Variants in CAMSAP2 observed in about 807,000 individuals in gnomAD.
CAMSAP2 encodes calmodulin-regulated spectrin-associated protein 2.
In CAMSAP2, 26 loss-of-function variants were observed where a neutral mutation model predicts 146.1. The observed-to-expected ratio is 0.18, with a 90% CI of 0.13 to 0.25. CAMSAP2 has a LOEUF of 0.25. CAMSAP2 is among the 10% of genes least tolerant of loss of function. The probability of loss-of-function intolerance (pLI) is 1.00; values close to 1 mark genes in which losing one functional copy is unlikely to be tolerated. For missense variants in CAMSAP2, 1,381 were observed against 1,759.3 expected, an observed-to-expected ratio of 0.78 and a Z score of 3.85; for synonymous variants, 499 against 596.6, an observed-to-expected ratio of 0.84 and a Z score of 2.38.
At chr1:200,781,053 T>C (rs1665414981) in intron 2 of CAMSAP2, among the ~76,000 whole-genome samples, 1 of 152,238 alleles carries the variant, frequency 6.6e-6, no homozygotes, top group Admixed American at 6.5e-5. Context: ...AAACTTTTTT[T>C]CAGGGAATTT....
chr1:200,740,617 T>C (rs185569094), intron 1 of CAMSAP2, among the ~76,000 whole-genome samples: 84 of 152,338 alleles, frequency 5.5e-4, no homozygotes, highest in African/African-American at 1.9e-3. Context: ...TTTTTCCAAA[T>C]GTATTTTGGC....
chr1:200,811,927 C>T (rs888085120), intron 3 of CAMSAP2, among the ~76,000 whole-genome samples: 5 of 152,140 alleles, frequency 3.3e-5, no homozygotes, highest in Non-Finnish European at 7.3e-5. Context: ...ACCGTTGAAC[C>T]TCATGTTTCC....
intron 2 of CAMSAP2, among the ~76,000 whole-genome samples, chr1:200,799,772 C>T (rs1310258759): frequency 1.3e-5 from 2 of 152,036 alleles, no homozygotes; most frequent in African/African-American, 2.4e-5. Flanking sequence ...GTTAGGGTGT[C>T]GATTTTGGAT....
Position 200,832,140 on chromosome 1 carries a change from T to C in CAMSAP2, c.646-60T>C. On this transcript the variant is annotated intron_variant, in intron 4 of 16. Transcript: ENST00000358823. The surrounding 1 kb of genome is among the most constrained non-coding windows in gnomAD (Gnocchi z 4.2). The stretch of plus-strand genomic sequence containing the variant: ...GGTACATTAGAATTTACAGTACTGA[T>C]TTTTTTCCTATGCGTTATTTGGTAC... The C allele has an allele frequency of 1.5e-6, 2 of 1,375,754 alleles. No homozygotes were observed. The highest frequency in any genetic ancestry group is 2.0e-6 in the Non-Finnish European group (2 of 1,010,222). The allele number at this position is 1,375,754 out of a possible 1,614,324, so 85.2% of individuals were successfully genotyped here.
chr1:200,859,146 T>C lies in CAMSAP2; in HGVS notation c.*1087T>C, dbSNP rs1477661527. ...CAAGTGGAATGGCTTAGAATAAGTA[T>C]ACACTTGAAATCTCCTCTACATGAT... On this transcript the variant is annotated 3_prime_UTR_variant, in exon 17 of 17. Coordinates refer to ENST00000358823, the MANE Select transcript of CAMSAP2 (RefSeq NM_203459.4). 1.3e-5 allele frequency: 2 copies of C among 152,658 alleles called. No homozygotes were observed. Among genetic ancestry groups the C allele is most frequent in the Non-Finnish European group, 2.9e-5 (2 of 67,916 alleles). 9.5% of individuals were successfully genotyped at this position (152,658 alleles called of 1,614,324 possible).
chr1:200,790,353 G>T (rs1048821836), intron 2 of CAMSAP2, among the ~76,000 whole-genome samples: 1 of 152,262 alleles, frequency 6.6e-6, no homozygotes, highest in East Asian at 1.9e-4. Context: ...CAGCGGGGCT[G>T]GGGGGAAGGG....
chr1:200,750,646 C>T (rs1488939256), intron 1 of CAMSAP2, among the ~76,000 whole-genome samples: 12 of 135,256 alleles, frequency 8.9e-5, no homozygotes, highest in African/African-American at 1.7e-4. Flanking sequence ...TTTTTTGAGA[C>T]AGAGTTTCGC....
chr1:200,794,073 T>TTAGCTGACTTAGC (rs1313210800), intron 2 of CAMSAP2, among the ~76,000 whole-genome samples: 1 of 152,236 alleles, frequency 6.6e-6, no homozygotes, highest in African/African-American at 2.4e-5. Context: ...TCTTCAGACC[T>TTAGCTGACTTAGC]TAGCTGACTT....
intron 2 of CAMSAP2, among the ~76,000 whole-genome samples, chr1:200,763,488 G>A (rs1304927367): frequency 1.3e-5 from 2 of 152,092 alleles, no homozygotes; most frequent in Admixed American, 6.6e-5. Context: ...GCAGTTAGCC[G>A]AGATTCCGCT....
rs944935313 is a variant in CAMSAP2, at chr1:200,853,661, T to C, written c.3823+166T>C. On this transcript the variant is annotated intron_variant, in intron 13 of 16. Transcript: ENST00000358823. The surrounding 1 kb of genome is among the most constrained non-coding windows in gnomAD (Gnocchi z 5.1). ...TGAGCAAATGAAGTTTTTAATAAAT[T>C]AAATGTATTATGTGTGCATGCATAT... Among the ~76,000 whole-genome samples the C allele has an allele frequency of 6.6e-6, 1 of 152,206 alleles. No individual in the cohort carries two copies. Among genetic ancestry groups the C allele is most frequent in the Non-Finnish European group, 1.5e-5 (1 of 68,040 alleles).
intron 2 of CAMSAP2, among the ~76,000 whole-genome samples, chr1:200,805,799 A>G (rs1012044875): frequency 1.3e-5 from 2 of 152,234 alleles, no homozygotes; most frequent in African/African-American, 4.8e-5. Flanking sequence ...GAAATGGTAG[A>G]TTCTAAGGCT....
chr1:200,829,760 C>G lies in CAMSAP2; in HGVS notation c.646-2440C>G, dbSNP rs139066261. On this transcript the variant is annotated intron_variant, in intron 4 of 16. Transcript: ENST00000358823. ...TGGGCAACTTGGCAAAACCTCATCT[C>G]TACAAAAAATAGAAAAATGAGGCAG... 1.0e-3 allele frequency among the ~76,000 whole-genome samples: 152 copies of G among 152,130 alleles called. 1 individual carries two copies. Among genetic ancestry groups the G allele is most frequent in the Non-Finnish European group, 1.9e-3 (131 of 67,980 alleles).
intron 4 of CAMSAP2, among the ~76,000 whole-genome samples, chr1:200,821,328 A>G (rs977998766): frequency 6.6e-6 from 1 of 151,944 alleles, no homozygotes; most frequent in African/African-American, 2.4e-5. Flanking sequence ...GACTACAGGC[A>G]TGTGCCACCA....
chr1:200,836,736 C>A (rs543005384), intron 6 of CAMSAP2, among the ~76,000 whole-genome samples: 3 of 152,272 alleles, frequency 2.0e-5, no homozygotes, highest in East Asian at 1.9e-4. Context: ...TTTTTCTCTG[C>A]AACTTTGTCA....
chr1:200,824,191 C>T (rs1666845929), intron 4 of CAMSAP2, among the ~76,000 whole-genome samples: 1 of 149,490 alleles, frequency 6.7e-6, no homozygotes, highest in Non-Finnish European at 1.5e-5. Context: ...GGAGTCCCTT[C>T]AGACTGACTC....
In CAMSAP2 at chr1:200,848,589, A is replaced by T. The variant is rs769597740; in HGVS notation, c.1820A>T (p.Glu607Val). The stretch of plus-strand genomic sequence containing the variant: ...TTGAGTCCCATAACTGACAATACTG[A>T]AGTAGACACTGGAATTCACGTTCCT... Reference protein sequence around the residue: ...GALSPITDNTEVDTGIHVPSE... With the variant: ...GALSPITDNTVVDTGIHVPSE... The change falls in exon 11 of 17, where the codon GAA (glutamate) becomes GTA (valine). Residue 607 changes from glutamate to valine, a missense_variant. Around this residue, in one of 4 missense-constraint regions of CAMSAP2, gnomAD observed 447 missense variants for 462.2 expected, o/e 0.97. Coordinates refer to ENST00000358823, the MANE Select transcript of CAMSAP2 (RefSeq NM_203459.4). 1 of 1,614,086 alleles carries T rather than the reference A, an allele frequency of 6.2e-7. No individual in the cohort carries two copies. The highest frequency in any genetic ancestry group is 8.5e-7 in the Non-Finnish European group (1 of 1,179,930).
intron 3 of CAMSAP2, among the ~76,000 whole-genome samples, chr1:200,811,698 A>G (rs1666335939): frequency 6.6e-6 from 1 of 152,202 alleles, no homozygotes; most frequent in Non-Finnish European, 1.5e-5. Context: ...CCAGAATTCT[A>G]CAAGTATCTT....
chr1:200,844,275 C>T (rs1490287697), intron 7 of CAMSAP2, among the ~76,000 whole-genome samples: 4 of 151,752 alleles, frequency 2.6e-5, no homozygotes, highest in African/African-American at 7.3e-5. Context: ...TTTGGCTGGG[C>T]GTGGTGGCTT....
At chr1:200,812,185 A>G (rs1666350670) in intron 3 of CAMSAP2, among the ~76,000 whole-genome samples, 1 of 152,186 alleles carries the variant, frequency 6.6e-6, no homozygotes, top group Non-Finnish European at 1.5e-5. Context: ...GGATAGGTAC[A>G]ATGAACTTTT....
Sources: allele counts gnomAD v4.1 joint callset (sites outside exome capture counted in the v4.1 genomes callset), GRCh38; gene constraint gnomAD v4.1.1; regional missense constraint gnomAD v4.1.1; non-coding constraint Gnocchi (gnomAD v3.1); transcripts MANE v1.5; gene names NCBI Gene and HGNC (gene_info 2026-07-23, HGNC 2026-07-21).